The following PTPRD variants were observed in gnomAD, a reference collection of about 807,000 sequenced individuals.
The protein encoded by PTPRD is receptor-type tyrosine-protein phosphatase delta.
Under a neutral mutation model 214.5 loss-of-function variants are expected in PTPRD, and 34 were observed. The observed-to-expected ratio is 0.16, with a 90% CI of 0.12 to 0.21. The LOEUF is 0.21. Among genes scored for constraint, PTPRD ranks in the 10% least tolerant of loss-of-function variants. The pLI, the probability that PTPRD is intolerant of heterozygous loss-of-function variation, is 1.00. For missense variants in PTPRD, 2,545 were observed against 2,398.7 expected (o/e 1.06, Z -1.27); for synonymous variants, 1,128 against 845.7 (o/e 1.33, Z -5.79).
intron 2 of PTPRD, among the ~76,000 whole-genome samples, chr9:10,504,310 A>G (rs2045137383): frequency 1.3e-5 from 2 of 151,966 alleles, no homozygotes; most frequent in South Asian, 2.1e-4. Context: ...TTAACAGTTA[A>G]TTTGACTCTC....
intron 2 of PTPRD, among the ~76,000 whole-genome samples, chr9:10,369,968 A>G (rs1013402701): frequency 6.6e-6 from 1 of 152,096 alleles, no homozygotes; most frequent in African/African-American, 2.4e-5. Context: ...CTAATACTAT[A>G]CATATATTAT....
chr9:9,042,302 G>C (rs2099642512), intron 10 of PTPRD, among the ~76,000 whole-genome samples: 1 of 152,290 alleles, frequency 6.6e-6, no homozygotes. Flanking sequence ...GGGAAATGTG[G>C]ATGGGTTCCG....
chr9:9,212,216 A>T (rs2099949212), intron 9 of PTPRD, among the ~76,000 whole-genome samples: 1 of 152,168 alleles, frequency 6.6e-6, no homozygotes, highest in African/African-American at 2.4e-5. Context: ...ATTGTTTAAA[A>T]TATTCTATTA....
At chr9:9,193,368 T>C (rs746760279) in intron 9 of PTPRD, among the ~76,000 whole-genome samples, 1 of 152,128 alleles carries the variant, frequency 6.6e-6, no homozygotes, top group East Asian at 1.9e-4. Context: ...AAATACAACA[T>C]ATAATCTTCT....
At chr9:8,521,625 A>T (rs1244705565) in intron 19 of PTPRD, 79 bp from the exon 20 acceptor site, 1 of 1,463,386 alleles carries the variant, frequency 6.8e-7, no homozygotes, top group Non-Finnish European at 9.2e-7. Context: ...CATGCACCGT[A>T]CAGACACGAT....
chr9:9,463,742 C>G (rs2093883732), intron 8 of PTPRD, among the ~76,000 whole-genome samples: 1 of 151,564 alleles, frequency 6.6e-6, no homozygotes, highest in Admixed American at 6.6e-5. Flanking sequence ...TGAAACTGGC[C>G]CAATTTTCTG....
intron 7 of PTPRD, among the ~76,000 whole-genome samples, chr9:9,606,330 A>G (rs1321394301): frequency 6.6e-6 from 1 of 152,098 alleles, no homozygotes; most frequent in Non-Finnish European, 1.5e-5. Flanking sequence ...TTCTGGTTCT[A>G]TCTCATTATA....
rs188437825 is a variant in PTPRD at position 9,385,087 on chromosome 9, C to G, written c.-203+12362G>C. Among the ~76,000 whole-genome samples the G allele has an allele frequency of 3.9e-5, 6 of 152,196 alleles. No homozygotes were observed. The East Asian group carries it at 9.7e-4, about 24-fold the overall frequency. On this transcript the variant is annotated intron_variant, in intron 9 of 45. Transcript: ENST00000381196. ...AGCTCTTTCATAGGTTGAACAAACA[C>G]AGGTCTTCCAACATAATGCCAGGAT...
In PTPRD at chr9:10,398,701, A is replaced by G. The variant is rs188476245; in HGVS notation, c.-599-57684T>C. Among the ~76,000 whole-genome samples the G allele has an allele frequency of 6.8e-4, 104 of 152,154 alleles. 1 individual carries two copies. The highest frequency in any genetic ancestry group is 1.9e-3 in the Admixed American group (29 of 15,256). On this transcript the variant is annotated intron_variant, in intron 2 of 45. Coordinates refer to ENST00000381196, the MANE Select transcript of PTPRD (RefSeq NM_002839.4). ...AGGAGCAGAGAAAGTAATCGGTATT[A>G]GTAGTCGTGATAATAATGATGATGA...
chr9:9,584,379 T>TTATTATTATTA (rs1554649180), intron 7 of PTPRD, among the ~76,000 whole-genome samples: 1 of 151,316 alleles, frequency 6.6e-6, no homozygotes. Context: ...ATTATTATTA[T>TTATTATTATTA]TTGCTATGCT....
At chr9:8,646,304 C>T (rs1187743816) in intron 12 of PTPRD, among the ~76,000 whole-genome samples, 1 of 152,114 alleles carries the variant, frequency 6.6e-6, no homozygotes, top group Non-Finnish European at 1.5e-5. Context: ...TTTCCCTTTT[C>T]GTTCTTTGAG....
chr9:9,359,769 G>A (rs573016243), intron 9 of PTPRD, among the ~76,000 whole-genome samples: 2 of 151,290 alleles, frequency 1.3e-5, no homozygotes, highest in African/African-American at 4.8e-5. Flanking sequence ...GACTTCGTTT[G>A]ATTTTCATGC....
intron 2 of PTPRD, among the ~76,000 whole-genome samples, chr9:10,414,559 G>A (rs1247448662): frequency 6.6e-6 from 1 of 151,846 alleles, no homozygotes; most frequent in Admixed American, 6.6e-5. Flanking sequence ...AAACAGAACT[G>A]TGATTTGACT....
intron 8 of PTPRD, among the ~76,000 whole-genome samples, chr9:9,565,898 C>G (rs781376430): frequency 6.6e-6 from 1 of 151,870 alleles, no homozygotes; most frequent in Non-Finnish European, 1.5e-5. Flanking sequence ...ACTTAAACCC[C>G]TTTGTTGATG....
intron 8 of PTPRD, among the ~76,000 whole-genome samples, chr9:9,544,880 G>C (rs981491471): frequency 4.0e-5 from 6 of 148,824 alleles, no homozygotes; most frequent in South Asian, 2.1e-4. Context: ...GCAAATTCTA[G>C]CCGATAGCCC....
chr9:9,282,399 A>G lies in PTPRD; in HGVS notation c.-202-99036T>C, dbSNP rs554613294. Among the ~76,000 whole-genome samples, 6 of 151,470 alleles carry G rather than the reference A, an allele frequency of 4.0e-5. No individual in the cohort carries two copies. The South Asian group carries it at 1.2e-3, about 31-fold the overall frequency. Reference sequence around the variant, plus strand: ...AACCTTAAAATCTGCTCTAAGAAATACCTTCTAATAGCAGATGACTGAAAT... The same window carrying G: ...AACCTTAAAATCTGCTCTAAGAAATGCCTTCTAATAGCAGATGACTGAAAT... On this transcript the variant is annotated intron_variant, in intron 9 of 45. Coordinates refer to ENST00000381196, the MANE Select transcript of PTPRD (RefSeq NM_002839.4).
intron 11 of PTPRD, among the ~76,000 whole-genome samples, chr9:8,773,049 G>A (rs920337651): frequency 1.3e-5 from 2 of 151,984 alleles, no homozygotes; most frequent in Admixed American, 6.5e-5. Context: ...CTCTATGAAT[G>A]TACTCTACTG....
At chr9:10,480,074 T>A (rs2099088147) in intron 2 of PTPRD, among the ~76,000 whole-genome samples, 1 of 152,164 alleles carries the variant, frequency 6.6e-6, no homozygotes, top group African/African-American at 2.4e-5. Context: ...ATAGGTCTCA[T>A]AAGCTAATGG....
intron 8 of PTPRD, among the ~76,000 whole-genome samples, chr9:9,417,009 T>C (rs1326821526): frequency 6.6e-6 from 1 of 152,256 alleles, no homozygotes; most frequent in Admixed American, 6.6e-5. Context: ...CCAAGTAAGA[T>C]CAGTGAACAA....
Sources: allele counts gnomAD v4.1 joint callset (sites outside exome capture counted in the v4.1 genomes callset), GRCh38; gene constraint gnomAD v4.1.1; transcripts MANE v1.5; gene names NCBI Gene and HGNC (gene_info 2026-07-23, HGNC 2026-07-21).